Variants in CFAP20DC observed in about 807,000 individuals in gnomAD.
CFAP20DC encodes the protein CFAP20 domain containing.
A neutral mutation model predicts 101.7 loss-of-function variants in CFAP20DC; 84 were observed. That is an observed-to-expected ratio of 0.83 (90% CI 0.69 to 0.99). The LOEUF (loss-of-function observed/expected upper bound fraction) is 0.99. CFAP20DC is among the 50% of genes least tolerant of loss of function. The probability of loss-of-function intolerance (pLI) is 0.00; values close to 1 mark genes in which losing one functional copy is unlikely to be tolerated. For synonymous variants in CFAP20DC, 359 were observed against 351.2 expected (o/e 1.02, Z -0.25); for missense variants, 1,007 against 970.3 (o/e 1.04, Z -0.50).
At chr3:58,880,783 T>C (rs2081175431) in intron 7 of CFAP20DC, among the ~76,000 whole-genome samples, 1 of 152,126 alleles carries the variant, frequency 6.6e-6, no homozygotes, top group African/African-American at 2.4e-5. Flanking sequence ...AGAATGTGAC[T>C]AGTTATGTTT....
At chr3:58,983,564 G>T (rs929414058) in intron 4 of CFAP20DC, among the ~76,000 whole-genome samples, 1 of 152,082 alleles carries the variant, frequency 6.6e-6, no homozygotes, top group Non-Finnish European at 1.5e-5. Flanking sequence ...AAAAGAGACT[G>T]CCTATTCTTA....
chr3:58,763,717 G>C (rs1386573511), intron 15 of CFAP20DC, among the ~76,000 whole-genome samples: 1 of 152,108 alleles, frequency 6.6e-6, no homozygotes, highest in East Asian at 1.9e-4. Context: ...TGAGGTTTTG[G>C]TGTGGATGTC....
chr3:58,774,621 T>G (rs867034857), intron 15 of CFAP20DC, among the ~76,000 whole-genome samples: 3 of 152,196 alleles, frequency 2.0e-5, no homozygotes, highest in South Asian at 4.1e-4. Flanking sequence ...ATGGAATTCA[T>G]CAGGAAAAGA....
rs576443405 is a variant in CFAP20DC at position 58,812,471 on chromosome 3, C to T, written c.2176-6015G>A. 2.2e-3 allele frequency among the ~76,000 whole-genome samples: 330 copies of T among 151,646 alleles called. 8 individuals are homozygous for T. The highest frequency in any genetic ancestry group is 7.6e-3 in the African/African-American group (313 of 41,162). On this transcript the variant is annotated intron_variant, in intron 14 of 16. Transcript: ENST00000482387. ...ATCGCAAGAACAAAAAACCAAACAC[C>T]GCATATTCTCAGTCATAGGTGGGAA...
At chr3:58,828,049 G>C (rs925937520) in intron 14 of CFAP20DC, among the ~76,000 whole-genome samples, 1 of 152,132 alleles carries the variant, frequency 6.6e-6, no homozygotes, top group Non-Finnish European at 1.5e-5. Context: ...AATGTGCAGA[G>C]TGCATCTAGG....
chr3:58,884,157 G>A (rs567299025), intron 7 of CFAP20DC, among the ~76,000 whole-genome samples: 35 of 152,252 alleles, frequency 2.3e-4, no homozygotes, highest in African/African-American at 7.9e-4. Flanking sequence ...TCTAGACTGA[G>A]GGAGCTTCCA....
At chr3:58,915,666 T>C (rs2084611508) in intron 5 of CFAP20DC, among the ~76,000 whole-genome samples, 1 of 152,120 alleles carries the variant, frequency 6.6e-6, no homozygotes, top group South Asian at 2.1e-4. Flanking sequence ...GGGCTCATGG[T>C]GGGTATGTGG....
chr3:58,811,703 A>G (rs576263540), intron 14 of CFAP20DC, among the ~76,000 whole-genome samples: 4 of 152,274 alleles, frequency 2.6e-5, no homozygotes, highest in African/African-American at 9.6e-5. Context: ...AAATTGACAA[A>G]TGGGATCTAA....
rs1389393182 is a variant in CFAP20DC, at chr3:58,913,849, T to G, written c.409A>C (p.Ile137Leu). 3 of 1,613,468 alleles carry G rather than the reference T, an allele frequency of 1.9e-6. No individual in the cohort carries two copies. The highest frequency in any genetic ancestry group is 2.5e-6 in the Non-Finnish European group (3 of 1,179,698). ...TCACTGGTGAATGCTACTAAGTCAA[T>G]GCATAGATTGCACCACTAAAATAGA... Reference protein sequence around the residue: ...IKRKIWCNLCIDLVAFTSEIF... With the variant: ...IKRKIWCNLCLDLVAFTSEIF... The change falls in exon 6 of 17, where the codon ATT becomes CTT. Residue 137 changes from isoleucine (I) to leucine (L), a missense_variant. Physicochemically the swap from Ile to Leu is conservative, Grantham distance 5. Transcript: ENST00000482387. The surrounding 1 kb of genome is among the most constrained non-coding windows in gnomAD (Gnocchi z 4.4).
intron 4 of CFAP20DC, among the ~76,000 whole-genome samples, chr3:58,947,403 G>A (rs2089507225): frequency 6.6e-6 from 1 of 152,142 alleles, no homozygotes; most frequent in Non-Finnish European, 1.5e-5. Flanking sequence ...GCTTATGGGG[G>A]CATCGCTCCC....
intron 4 of CFAP20DC, among the ~76,000 whole-genome samples, chr3:58,963,182 TC>T (rs1172873919): frequency 8.1e-6 from 1 of 123,254 alleles, no homozygotes; most frequent in Non-Finnish European, 1.8e-5. Flanking sequence ...TTCTCAAGGT[TC>T]AGTAGTTTGT....
chr3:58,857,554 C>A (rs770619674), intron 12 of CFAP20DC, among the ~76,000 whole-genome samples: 1 of 152,168 alleles, frequency 6.6e-6, no homozygotes, highest in Non-Finnish European at 1.5e-5. Flanking sequence ...CACAGTAATA[C>A]ATTTCCATGC....
At chr3:58,888,475 G>A (rs1380984044) in intron 6 of CFAP20DC, among the ~76,000 whole-genome samples, 1 of 151,992 alleles carries the variant, frequency 6.6e-6, no homozygotes, top group Non-Finnish European at 1.5e-5. Context: ...AGGTAAGTAT[G>A]TGCCAAGGTG....
In CFAP20DC at chr3:58,863,602, T is replaced by A; in HGVS notation, c.1549A>T (p.Thr517Ser). Reference sequence around the variant, plus strand: ...CCGTAAAAATCATCCTCTGATTGGGTGTCTCTGCTTGTCACACTGTTATCC... The same window carrying A: ...CCGTAAAAATCATCCTCTGATTGGGAGTCTCTGCTTGTCACACTGTTATCC... ...KEDNSVTSRD[T>S]QSEDDFYGGD... is the part of the protein sequence containing the mutation. The change falls in exon 12 of 17, where the codon ACC (threonine) becomes TCC (serine). Residue 517 changes from threonine to serine, a missense_variant. Coordinates refer to ENST00000482387, the MANE Select transcript of CFAP20DC (RefSeq NM_001394063.1). The surrounding 1 kb of genome is among the most constrained non-coding windows in gnomAD (Gnocchi z 5.9). The A allele has an allele frequency of 6.2e-7, 1 of 1,614,188 alleles. No individual in the cohort carries two copies. Among genetic ancestry groups the A allele is most frequent in the African/African-American group, 1.3e-5 (1 of 75,054 alleles).
intron 15 of CFAP20DC, among the ~76,000 whole-genome samples, chr3:58,804,072 A>C (rs367967134): frequency 6.6e-6 from 1 of 152,224 alleles, no homozygotes. Flanking sequence ...TGATCCTTCA[A>C]TGGCGAGACT....
rs969702964 is a variant in CFAP20DC, at chr3:58,717,482, T to A, written c.*106A>T. 3.1e-6 allele frequency: 1 copy of A among 319,032 alleles called. No homozygotes were observed. The highest frequency in any genetic ancestry group is 2.2e-5 in the African/African-American group (1 of 45,086). 19.8% of individuals were successfully genotyped at this position (319,032 alleles called of 1,614,324 possible). A position where few individuals can be genotyped will look rare whatever the true frequency, so the allele number is the denominator to read the frequency against. On this transcript the variant is annotated 3_prime_UTR_variant, in exon 4 of 4. Coordinates refer to the CFAP20DC transcript ENST00000486145. This position sits in a 1 kb window ranked among gnomAD's most constrained non-coding sequence, Gnocchi z 4.1. ...ATGCTTATTCTTCTCATGTGAAATG[T>A]GTTCTGGAAACTGTAGTTCAGGATG...
At chr3:59,005,976 A>T (rs2093423941) in intron 4 of CFAP20DC, among the ~76,000 whole-genome samples, 1 of 152,214 alleles carries the variant, frequency 6.6e-6, no homozygotes, top group Non-Finnish European at 1.5e-5. Context: ...CTAACACCTT[A>T]TAGTAATTTG....
chr3:58,903,568 C>A lies in CFAP20DC; in HGVS notation c.550+10140G>T, dbSNP rs1003103042. ...GGCTGACAAGGCCTCAGGAAACTTA[C>A]AATCATGGTGGAAGGGGAAGCAAAC... On this transcript the variant is annotated intron_variant, in intron 6 of 16. Transcript: ENST00000482387. 3.3e-5 allele frequency among the ~76,000 whole-genome samples: 5 copies of A among 152,280 alleles called. No homozygotes were observed. In the South Asian group the frequency reaches 8.3e-4, roughly 25 times the overall value.
chr3:58,739,578 C>A (rs1266933702), downstream of CFAP20DC, among the ~76,000 whole-genome samples: 1 of 152,248 alleles, frequency 6.6e-6, no homozygotes, highest in Non-Finnish European at 1.5e-5. Context: ...CATGTCAGAT[C>A]TAATCTATAG....
Sources: allele counts gnomAD v4.1 joint callset (sites outside exome capture counted in the v4.1 genomes callset), GRCh38; gene constraint gnomAD v4.1.1; non-coding constraint Gnocchi (gnomAD v3.1); transcripts MANE v1.5; gene names NCBI Gene and HGNC (gene_info 2026-07-23, HGNC 2026-07-21).